CASP5: variants seen among roughly 807,000 people sequenced by gnomAD.
CASP5 encodes the protein caspase-5.
In CASP5, 42 loss-of-function variants were observed where a neutral mutation model predicts 45.2. The observed-to-expected ratio is 0.93, with a 90% CI of 0.73 to 1.20. The LOEUF is 1.20. Ranked by LOEUF, CASP5 falls within the 50% of genes most tolerant of loss-of-function variation. The pLI, the probability that CASP5 is intolerant of heterozygous loss-of-function variation, is 0.00. For missense variants in CASP5, 512 were observed against 532.2 expected (o/e 0.96, Z 0.37); for synonymous variants, 209 against 186.2 (o/e 1.12, Z -1.00).
In CASP5 at chr11:104,995,726, C is replaced by T. The variant is rs780000213; in HGVS notation, c.*4+14G>A. On this transcript the variant is annotated intron_variant, in intron 9 of 9. Coordinates refer to ENST00000260315, the MANE Select transcript of CASP5 (RefSeq NM_004347.5). The stretch of plus-strand genomic sequence containing the variant: ...TTTCATTTATTTCACCCTCCAACAA[C>T]TCTCAATACTTACATTTTCAATTGC... The T allele has an allele frequency of 3.2e-6, 5 of 1,545,414 alleles. No homozygotes were observed. In the Admixed American group the frequency reaches 5.1e-5, roughly 16 times the overall value.
In CASP5 at chr11:104,995,779, A is replaced by AG; in HGVS notation, c.1269dup (p.Thr425AspfsTer43). 1 of 1,612,604 alleles carries AG rather than the reference A, an allele frequency of 6.2e-7. No homozygotes were observed. Among genetic ancestry groups the AG allele is most frequent in the South Asian group, 1.1e-5 (1 of 90,932 alleles). On this transcript the variant is annotated frameshift_variant, in exon 9 of 10. Transcript: ENST00000260315. LOFTEE classifies it high-confidence loss of function. ...GGAAAGAGGTAGAAATCTCTTGTCA[A>AG]GGTTGCTCGTTCTATGGTGGGCATC...
rs762275840 is a variant in CASP5, at chr11:105,000,403, T to C, written c.810A>G (p.Leu270=). The stretch of plus-strand genomic sequence containing the variant: ...TATGCGCAGTTCCGCAGATTCCCTC[T>C]AGGATGCCATGAGACATGAGTACCA... The part of the protein sequence containing the change: ...TFLVLMSHGI[L]EGICGTAHKK... The change falls in exon 6 of 10, where the codon CTA becomes CTG. Residue 270 remains leucine, a synonymous_variant. Coordinates refer to ENST00000260315, the MANE Select transcript of CASP5 (RefSeq NM_004347.5). The C allele has an allele frequency of 1.7e-5, 28 of 1,614,044 alleles. No homozygotes were observed. The African/African-American group carries it at 2.1e-4, about 12-fold the overall frequency.
rs762222274 is a variant in CASP5, at chr11:105,008,808, T to C, written c.180A>G (p.Lys60=). The change falls in exon 2 of 10, where the codon AAA becomes AAG. Residue 60 remains lysine, a splice_region_variant and synonymous_variant. Transcript: ENST00000260315. ...CCATTGTAAAATATCCAGTCTTACT[T>C]TTTACACTGGTCGACTTTTGATCCG... The part of the protein sequence containing the change: ...PNTDQKSTSV[K]KDNHKKKTVK... 7 of 1,603,366 alleles carry C rather than the reference T, an allele frequency of 4.4e-6. No individual in the cohort carries two copies. In the African/African-American group the frequency reaches 9.4e-5, roughly 21 times the overall value.
intron 1 of CASP5, among the ~76,000 whole-genome samples, chr11:105,009,720 CATATATATATAT>C (rs199695891): frequency 1.3e-3 from 86 of 64,068 alleles, no homozygotes; most frequent in African/African-American, 2.7e-3. Context: ...TATATACACA[CATATATATATAT>C]ATATATATAT....
intron 3 of CASP5, among the ~76,000 whole-genome samples, chr11:105,003,988 C>T (rs1861880573): frequency 6.6e-6 from 1 of 151,982 alleles, no homozygotes; most frequent in Admixed American, 6.6e-5. Context: ...TGATAGTCCC[C>T]TCCTAGTTCA....
intron 1 of CASP5, among the ~76,000 whole-genome samples, chr11:105,017,936 C>A (rs556094943): frequency 8.9e-4 from 136 of 152,222 alleles, no homozygotes; most frequent in Admixed American, 2.4e-3. Flanking sequence ...AAGAGAAGCC[C>A]ATCAGACTAA....
At chr11:105,009,734 TATATATATATATATATATATATATAC>T (rs1862186717) in intron 1 of CASP5, among the ~76,000 whole-genome samples, 1 of 62,648 alleles carries the variant, frequency 1.6e-5, no homozygotes, top group South Asian at 4.2e-4. Flanking sequence ...TATATATATA[TATATATATATATATATATATATATAC>T]ACACACACAC....
At chr11:105,018,065 A>G (rs1436970461) in intron 1 of CASP5, among the ~76,000 whole-genome samples, 1 of 151,336 alleles carries the variant, frequency 6.6e-6, no homozygotes, top group African/African-American at 2.4e-5. Context: ...TAAGCTTCAT[A>G]AGTGAAGGAG....
At chr11:105,000,590 C>T (rs1033589932) in intron 5 of CASP5, 95 bp from the exon 6 acceptor site, 11 of 1,133,018 alleles carry the variant, frequency 9.7e-6, no homozygotes, top group Non-Finnish European at 1.4e-5. Context: ...ACATATGTAA[C>T]ATCCGGGTCG....
chr11:105,015,771 A>G (rs1432963439), intron 1 of CASP5, among the ~76,000 whole-genome samples: 1 of 151,600 alleles, frequency 6.6e-6, no homozygotes. Flanking sequence ...AAAAAATTTA[A>G]AAGCAAGCAA....
chr11:105,009,197 G>A (rs1862151774), intron 1 of CASP5: 1 of 583,886 alleles, frequency 1.7e-6, no homozygotes, highest in African/African-American at 1.9e-5. Flanking sequence ...ACTTAAGTTT[G>A]TTTTTTATAG....
chr11:105,015,752 CAAAA>C (rs34623702), intron 1 of CASP5, among the ~76,000 whole-genome samples: 7 of 136,964 alleles, frequency 5.1e-5, no homozygotes, highest in African/African-American at 1.8e-4. Flanking sequence ...ATAAAATAGA[CAAAA>C]AAAAAAAAAA....
intron 7 of CASP5, among the ~76,000 whole-genome samples, chr11:104,998,579 C>T (rs1861574702): frequency 6.6e-6 from 1 of 152,172 alleles, no homozygotes; most frequent in South Asian, 2.1e-4. Context: ...AAAAAAACAG[C>T]ATCCATCATC....
In CASP5 at chr11:104,995,822, A is replaced by G; in HGVS notation, c.1227T>C (p.Val409=). The change falls in exon 9 of 10, where the codon GTT becomes GTC. Residue 409 remains valine, a synonymous_variant. Transcript: ENST00000260315. ...IFRKVQKSFE[V]PQAKAQMPTI... is the part of the protein sequence containing the mutation. ...TGGGCATCTGGGCTTTAGCCTGTGGAACTTCAAATGATTTCTGTACCTAAA... is the reference window on the plus strand; with the variant it reads ...TGGGCATCTGGGCTTTAGCCTGTGGGACTTCAAATGATTTCTGTACCTAAA... The G allele has an allele frequency of 6.2e-7, 1 of 1,611,582 alleles. No homozygotes were observed. The highest frequency in any genetic ancestry group is 8.5e-7 in the Non-Finnish European group (1 of 1,178,066).
intron 1 of CASP5, among the ~76,000 whole-genome samples, chr11:105,014,365 C>T (rs923052445): frequency 6.6e-6 from 1 of 151,976 alleles, no homozygotes; most frequent in East Asian, 1.9e-4. Flanking sequence ...GCCCCTAGGG[C>T]ACCTTGTTTC....
chr11:105,023,005 A>G, intron 1 of CASP5, 125 bp downstream of exon 1: 3 of 855,122 alleles, frequency 3.5e-6, no homozygotes, highest in Non-Finnish European at 5.8e-6. Context: ...AATAAGAGAA[A>G]GATTCAGCAT....
chr11:105,011,172 A>T (rs1862327980), intron 1 of CASP5, among the ~76,000 whole-genome samples: 2 of 151,790 alleles, frequency 1.3e-5, no homozygotes, highest in Non-Finnish European at 3.0e-5. Flanking sequence ...GAGTACACAG[A>T]TTAGTTAATG....
chr11:105,005,159 A>G (rs1861941596), intron 3 of CASP5, among the ~76,000 whole-genome samples: 1 of 152,118 alleles, frequency 6.6e-6, no homozygotes, highest in Non-Finnish European at 1.5e-5. Flanking sequence ...TAAAAATTTC[A>G]ATTTGAGTCT....
At chr11:105,019,040 T>C (rs1862794955) in intron 1 of CASP5, among the ~76,000 whole-genome samples, 1 of 146,254 alleles carries the variant, frequency 6.8e-6, no homozygotes, top group Non-Finnish European at 1.5e-5. Context: ...CTGAACAACC[T>C]GCTCCTGAAT....
Sources: allele counts gnomAD v4.1 joint callset (sites outside exome capture counted in the v4.1 genomes callset), GRCh38; gene constraint gnomAD v4.1.1; transcripts MANE v1.5; gene names NCBI Gene and HGNC (gene_info 2026-07-23, HGNC 2026-07-21).